Variants in EPB41L1 observed in about 807,000 individuals in gnomAD.
EPB41L1 encodes erythrocyte membrane protein band 4.1 like 1, also known as band 4.1-like protein 1.
Under a neutral mutation model 97.8 loss-of-function variants are expected in EPB41L1, and 29 were observed. The observed-to-expected ratio is 0.30, with a 90% CI of 0.22 to 0.40. The LOEUF (loss-of-function observed/expected upper bound fraction) is 0.40, where lower values mean the gene tolerates loss of function less well. Among genes scored for constraint, EPB41L1 ranks in the 10% least tolerant of loss-of-function variants. The pLI, the probability that EPB41L1 is intolerant of heterozygous loss-of-function variation, is 1.00. For missense variants in EPB41L1, 812 were observed against 1,162.3 expected (o/e 0.70, Z 4.38); for synonymous variants, 383 against 459.2 (o/e 0.83, Z 2.12).
chr20:36,210,296 G>C (rs1319093988), intron 15 of EPB41L1, among the ~76,000 whole-genome samples: 2 of 152,050 alleles, frequency 1.3e-5, no homozygotes, highest in Non-Finnish European at 2.9e-5. Flanking sequence ...TGTCTCTCTG[G>C]GGTCTGGGCT....
chr20:36,125,538 A>G (rs1383662262), intron 2 of EPB41L1: 1 of 1,535,184 alleles, frequency 6.5e-7, no homozygotes, highest in Non-Finnish European at 8.7e-7. Context: ...GTGAGCTATT[A>G]TCTTCCATTC....
intron 1 of EPB41L1, among the ~76,000 whole-genome samples, chr20:36,161,593 G>A (rs1389660165): frequency 6.7e-6 from 1 of 149,932 alleles, no homozygotes; most frequent in Non-Finnish European, 1.5e-5. Flanking sequence ...CTCCTGCCTT[G>A]GCCTCCCAAG....
chr20:36,128,030 G>T (rs894762575), intron 2 of EPB41L1, among the ~76,000 whole-genome samples: 1 of 152,110 alleles, frequency 6.6e-6, no homozygotes, highest in Non-Finnish European at 1.5e-5. Flanking sequence ...TCTGTTGCAG[G>T]GTGGGGCTAG....
rs541581123 is a variant in EPB41L1, at chr20:36,170,786, A to G, written c.-14-2978A>G. ...TGACTGTCAGTCGTCTTTTTTGCTC[A>G]CTGGGTCTCACCTGTAAAGGAAGAG... On this transcript the variant is annotated intron_variant, in intron 1 of 21. Coordinates refer to ENST00000338074, the MANE Select transcript of EPB41L1 (RefSeq NM_012156.2). Among the ~76,000 whole-genome samples, 125 of 152,272 alleles carry G rather than the reference A, an allele frequency of 8.2e-4. 1 individual carries two copies. The highest frequency in any genetic ancestry group is 2.8e-3 in the African/African-American group (116 of 41,558).
intron 2 of EPB41L1, among the ~76,000 whole-genome samples, chr20:36,112,670 G>C (rs183070261): frequency 6.6e-6 from 1 of 152,338 alleles, no homozygotes; most frequent in East Asian, 1.9e-4. Flanking sequence ...GTTTTGGCTT[G>C]TTTTGGGTTA....
chr20:36,153,417 G>A (rs530602686), upstream of EPB41L1, among the ~76,000 whole-genome samples: 634 of 152,186 alleles, frequency 4.2e-3, 4 homozygotes, highest in South Asian at 7.9e-3. Context: ...CCCAGCTTGG[G>A]GCCTCTGTGC....
intron 2 of EPB41L1, among the ~76,000 whole-genome samples, chr20:36,117,321 T>C (rs952207748): frequency 1.6e-4 from 25 of 152,190 alleles, no homozygotes; most frequent in Non-Finnish European, 3.4e-4. Flanking sequence ...CAGTATTTCT[T>C]CTGTGACTCT....
At chr20:36,201,585 G>A (rs2062499939) in intron 14 of EPB41L1, among the ~76,000 whole-genome samples, 1 of 152,206 alleles carries the variant, frequency 6.6e-6, no homozygotes, top group Non-Finnish European at 1.5e-5. Context: ...GGCCCATCAA[G>A]GAGGCAGGCA....
chr20:36,141,641 G>T (rs1313554652), intron 2 of EPB41L1, among the ~76,000 whole-genome samples: 1 of 152,222 alleles, frequency 6.6e-6, no homozygotes, highest in Non-Finnish European at 1.5e-5. Context: ...GAAGGTAACA[G>T]ACCTTTCTTA....
chr20:36,176,654 CAG>C lies in EPB41L1; in HGVS notation c.342+942_342+943del, dbSNP rs1186929970. On this transcript the variant is annotated intron_variant, in intron 3 of 21. Transcript: ENST00000338074. ...TCTTTTTTTTTTTTTTTTGTTGAGA[CAG>C]AGTCTTGCTCTGTTGCCCAGGCTGG... Among the ~76,000 whole-genome samples the C allele has an allele frequency of 2.2e-4, 30 of 137,286 alleles. No individual in the cohort carries two copies. The South Asian group carries it at 2.3e-3, about 11-fold the overall frequency. The allele number at this position is 137,286 out of a possible 152,430, so 90.1% of individuals were successfully genotyped here.
At chr20:36,104,621 C>CTTCAG (rs1331764643) in intron 1 of EPB41L1, among the ~76,000 whole-genome samples, 1 of 152,150 alleles carries the variant, frequency 6.6e-6, no homozygotes, top group Non-Finnish European at 1.5e-5. Context: ...GGCAAGTGGG[C>CTTCAG]TTCAGTTCCG....
At chr20:36,182,512 AAC>A (rs955964931) in intron 6 of EPB41L1, among the ~76,000 whole-genome samples, 165 bp downstream of exon 6, 12 of 152,198 alleles carry the variant, frequency 7.9e-5, no homozygotes, top group African/African-American at 2.9e-4. Context: ...CATTGTAAGA[AAC>A]ACAGTGATGC....
intron 11 of EPB41L1, among the ~76,000 whole-genome samples, chr20:36,193,120 C>T (rs2062036171): frequency 6.6e-6 from 1 of 152,092 alleles, no homozygotes; most frequent in African/African-American, 2.4e-5. Context: ...TGTCAGGAGC[C>T]AAATGAAGCC....
At chr20:36,216,280 A>T (rs2063436043) in intron 17 of EPB41L1, among the ~76,000 whole-genome samples, 1 of 152,196 alleles carries the variant, frequency 6.6e-6, no homozygotes, top group South Asian at 2.1e-4. Context: ...GTCCTGGGGG[A>T]AGGCATTCTA....
intron 2 of EPB41L1, among the ~76,000 whole-genome samples, chr20:36,133,183 T>C (rs1454060243): frequency 6.6e-6 from 1 of 152,270 alleles, no homozygotes; most frequent in Non-Finnish European, 1.5e-5. Context: ...GAGCCCCGCC[T>C]TGTTTCTGGC....
At chr20:36,141,855 C>A (rs11697873) in intron 2 of EPB41L1, among the ~76,000 whole-genome samples, 4,799 of 152,174 alleles carry the variant, frequency 0.032, 110 homozygotes, top group Middle Eastern at 0.11. Context: ...CGCCTATAAT[C>A]CCAGCACTTT....
At chr20:36,115,071 T>G (rs2058542705) in intron 2 of EPB41L1, among the ~76,000 whole-genome samples, 1 of 152,252 alleles carries the variant, frequency 6.6e-6, no homozygotes, top group South Asian at 2.1e-4. Context: ...TGAATTACTC[T>G]CCCTGTACCA....
In EPB41L1 at chr20:36,093,436, T is replaced by G. The variant is rs997225879; in HGVS notation, c.-65+1824T>G. On this transcript the variant is annotated intron_variant, in intron 1 of 19. Transcript: ENST00000202028. The surrounding 1 kb of genome is among the most constrained non-coding windows in gnomAD (Gnocchi z 5.4). ...CCGTGTGCGTGTGCGCGGCTTTGTC[T>G]TCGCACTGCCGGGAGGAAGCGGTGG... Among the ~76,000 whole-genome samples the G allele has an allele frequency of 6.6e-6, 1 of 151,396 alleles. No homozygotes were observed. Among genetic ancestry groups the G allele is most frequent in the Non-Finnish European group, 1.5e-5 (1 of 67,794 alleles).
At chr20:36,179,909 C>T (rs563110389) in intron 5 of EPB41L1, among the ~76,000 whole-genome samples, 81 of 152,330 alleles carry the variant, frequency 5.3e-4, no homozygotes, top group African/African-American at 1.9e-3. Flanking sequence ...GGCTGTCCCC[C>T]AGGAGCCCCA....
Sources: gnomAD v4.1 joint callset for allele counts (sites outside exome capture counted in the v4.1 genomes callset) on GRCh38, gnomAD v4.1.1 for gene constraint, Gnocchi (gnomAD v3.1) non-coding constraint, MANE v1.5 for transcripts, NCBI Gene and HGNC (gene_info 2026-07-23, HGNC 2026-07-21) for gene names.